NRXN3: variants seen among roughly 807,000 people sequenced by gnomAD.
NRXN3 encodes neurexin III.
NRXN3 carries 32 observed loss-of-function variants against 137.6 expected under a neutral mutation model. That is an observed-to-expected ratio of 0.23 (90% CI 0.18 to 0.31). NRXN3 has a LOEUF of 0.31. NRXN3 is among the 10% of genes least tolerant of loss of function. NRXN3 has a pLI of 1.00. For missense variants in NRXN3, 1,574 were observed against 2,062.5 expected (o/e 0.76, Z 4.59); for synonymous variants, 798 against 784.5 (o/e 1.02, Z -0.29).
intron 8 of NRXN3, among the ~76,000 whole-genome samples, chr14:78,780,337 C>A (rs117935157): frequency 1.3e-5 from 2 of 151,312 alleles, no homozygotes; most frequent in Non-Finnish European, 2.9e-5. Flanking sequence ...ATGTAAAATG[C>A]GAAACTTTAA....
intron 6 of NRXN3, among the ~76,000 whole-genome samples, chr14:78,708,137 T>C (rs921674889): frequency 1.3e-5 from 2 of 152,204 alleles, no homozygotes; most frequent in Non-Finnish European, 2.9e-5. Context: ...CTGTTTTCCA[T>C]AGTGGCTGTT....
At chr14:78,318,650 G>T (rs376428847) in intron 4 of NRXN3, among the ~76,000 whole-genome samples, 14 of 152,244 alleles carry the variant, frequency 9.2e-5, no homozygotes, top group South Asian at 2.1e-4. Context: ...GTCACTGCGG[G>T]TGTTAGCTCT....
At chr14:78,845,414 C>T (rs2152460779) in intron 10 of NRXN3, among the ~76,000 whole-genome samples, 1 of 152,134 alleles carries the variant, frequency 6.6e-6, no homozygotes, top group Non-Finnish European at 1.5e-5. Flanking sequence ...TAATATATCC[C>T]TCTATAAATT....
intron 15 of NRXN3, among the ~76,000 whole-genome samples, chr14:79,359,446 A>G (rs1201574249): frequency 6.6e-6 from 1 of 152,114 alleles, no homozygotes; most frequent in Admixed American, 6.5e-5. Flanking sequence ...ATTATAGTAC[A>G]GTGTATGGGC....
intron 15 of NRXN3, among the ~76,000 whole-genome samples, chr14:79,034,970 C>A (rs2099613738): frequency 6.6e-6 from 1 of 152,048 alleles, no homozygotes; most frequent in African/African-American, 2.4e-5. Context: ...TTTACTGATG[C>A]CATGTGGAGT....
At position 78,980,578 on chromosome 14, in the gene NRXN3, A is replaced by T. The variant is rs374142611; in HGVS notation, c.3143-7444A>T. 4.9e-4 allele frequency among the ~76,000 whole-genome samples: 75 copies of T among 152,306 alleles called. No homozygotes were observed. In the South Asian group the frequency reaches 0.012, roughly 24 times the overall value. On this transcript the variant is annotated intron_variant, in intron 14 of 20. Transcript: ENST00000335750. ...GACTAAATCAGTGTACACGTGCTGT[A>T]AGGGTGGATTAGAGCAGTAACAGGC...
intron 19 of NRXN3, among the ~76,000 whole-genome samples, chr14:79,778,009 T>C (rs1162826345): frequency 6.6e-6 from 1 of 152,188 alleles, no homozygotes; most frequent in East Asian, 1.9e-4. Context: ...GTAACTTCTC[T>C]ATAAACCTCC....
At chr14:79,015,128 C>T (rs2099577203) in intron 15 of NRXN3, among the ~76,000 whole-genome samples, 1 of 152,096 alleles carries the variant, frequency 6.6e-6, no homozygotes, top group African/African-American at 2.4e-5. Context: ...CATCTTGAAT[C>T]AATCTCTGGA....
intron 2 of NRXN3, among the ~76,000 whole-genome samples, chr14:78,252,978 G>C (rs1325856025): frequency 6.6e-6 from 1 of 151,500 alleles, no homozygotes; most frequent in Non-Finnish European, 1.5e-5. Flanking sequence ...ATTCTCTCAG[G>C]CTTCTTTTCT....
chr14:78,521,469 C>T (rs1016817404), intron 4 of NRXN3, among the ~76,000 whole-genome samples: 2 of 152,148 alleles, frequency 1.3e-5, no homozygotes, highest in Admixed American at 1.3e-4. Flanking sequence ...ATACAGAGAG[C>T]TAATTGACCC....
intron 4 of NRXN3, among the ~76,000 whole-genome samples, chr14:78,338,177 T>C (rs1443306202): frequency 6.6e-6 from 1 of 152,166 alleles, no homozygotes; most frequent in Non-Finnish European, 1.5e-5. Flanking sequence ...CCCTTGATGC[T>C]GTATCTCTGT....
At chr14:79,697,457 A>G (rs2154029318) in intron 18 of NRXN3, among the ~76,000 whole-genome samples, 173 bp from the exon 19 acceptor site, 1 of 152,106 alleles carries the variant, frequency 6.6e-6, no homozygotes, top group Non-Finnish European at 1.5e-5. Context: ...TGGAAGAGAT[A>G]ACCATAATGA....
At chr14:78,255,167 CA>C (rs1393022658) in intron 2 of NRXN3, among the ~76,000 whole-genome samples, 1 of 93,790 alleles carries the variant, frequency 1.1e-5, no homozygotes, top group African/African-American at 4.2e-5. Flanking sequence ...GACACAGCAG[CA>C]GAAAAAAAAA....
chr14:79,406,600 G>A (rs1007448294), intron 15 of NRXN3, among the ~76,000 whole-genome samples: 1 of 151,962 alleles, frequency 6.6e-6, no homozygotes, highest in African/African-American at 2.4e-5. Context: ...ACTACTTCTG[G>A]CCTGTGTTTT....
At position 78,268,629 on chromosome 14, in the gene NRXN3, C is replaced by G. The variant is rs73310356; in HGVS notation, c.710-10016C>G. On this transcript the variant is annotated intron_variant, in intron 2 of 20. Transcript: ENST00000335750. ...AAGTATGGTACTGTGGGAAGGAAAACGAGTTTGGAGTCAGAGAAATCGGAG... is the reference window on the plus strand; with the variant it reads ...AAGTATGGTACTGTGGGAAGGAAAAGGAGTTTGGAGTCAGAGAAATCGGAG... 6.8e-3 allele frequency among the ~76,000 whole-genome samples: 1,033 copies of G among 152,160 alleles called. 7 individuals are homozygous for G. The highest frequency in any genetic ancestry group is 0.023 in the African/African-American group (973 of 41,508).
At chr14:78,340,701 A>G (rs2082053540) in intron 4 of NRXN3, among the ~76,000 whole-genome samples, 1 of 152,108 alleles carries the variant, frequency 6.6e-6, no homozygotes, top group Admixed American at 6.6e-5. Context: ...TGAAAATAGA[A>G]ATTGTTAGGC....
At chr14:79,088,569 T>A (rs1329815510) in intron 15 of NRXN3, among the ~76,000 whole-genome samples, 1 of 152,164 alleles carries the variant, frequency 6.6e-6, no homozygotes, top group Non-Finnish European at 1.5e-5. Flanking sequence ...GGATTTTCCC[T>A]ATGACTTGGG....
intron 10 of NRXN3, among the ~76,000 whole-genome samples, chr14:78,951,947 T>A (rs1016763470): frequency 1.3e-5 from 2 of 152,178 alleles, no homozygotes; most frequent in African/African-American, 4.8e-5. Context: ...CAATGGTATG[T>A]TTGCTTATTA....
intron 15 of NRXN3, among the ~76,000 whole-genome samples, chr14:79,011,365 G>GCCCCC (rs1246917281): frequency 2.1e-3 from 48 of 22,652 alleles, no homozygotes; most frequent in African/African-American, 5.4e-3. Context: ...GGATTTCCCC[G>GCCCCC]CCCCCCCACC....
Sources: allele counts gnomAD v4.1 joint callset (sites outside exome capture counted in the v4.1 genomes callset), GRCh38; gene constraint gnomAD v4.1.1; transcripts MANE v1.5; gene names NCBI Gene and HGNC (gene_info 2026-07-23, HGNC 2026-07-21).